Variants in SDAD1 observed in about 807,000 individuals in gnomAD.
SDAD1 encodes SDA1 domain containing 1.
A neutral mutation model predicts 100.3 loss-of-function variants in SDAD1; 79 were observed. That is an observed-to-expected ratio of 0.79 (90% confidence interval 0.66 to 0.95). The LOEUF (loss-of-function observed/expected upper bound fraction) is 0.95. SDAD1 is among the 40% of genes least tolerant of loss of function. The pLI is 0.00. For synonymous variants in SDAD1, 267 were observed against 271.4 expected (o/e 0.98, Z 0.16); for missense variants, 790 against 810.9 (o/e 0.97, Z 0.31).
At position 75,956,132 on chromosome 4, in the gene SDAD1, C is replaced by A; in HGVS notation, c.1859G>T (p.Gly620Val). Residue 620 changes from glycine to valine, a missense_variant, in exon 21 of 22, where the codon GGA becomes GTA. By Grantham distance (109) the Gly-to-Val change is moderately radical. Coordinates refer to ENST00000356260, the MANE Select transcript of SDAD1 (RefSeq NM_018115.4). ...KETRLATAMAGKTDRKEFVRK... is the reference protein window; with the variant it reads ...KETRLATAMAVKTDRKEFVRK... ...CACAAATTCTTTTCGGTCTGTCTTT[C>A]CAGCCTACCAGAACAAAAAGTTTGA... 6.3e-7 allele frequency: 1 copy of A among 1,599,958 alleles called. No individual in the cohort carries two copies. The highest frequency in any genetic ancestry group is 8.5e-7 in the Non-Finnish European group (1 of 1,176,242).
rs1286387670 is a variant in SDAD1, at chr4:75,969,386, T to C, written c.897A>G (p.Lys299=). 2.5e-6 allele frequency: 4 copies of C among 1,612,612 alleles called. No homozygotes were observed. The African/African-American group carries it at 5.3e-5, about 22-fold the overall frequency. The change falls in exon 11 of 22, where the codon AAA becomes AAG. Residue 299 remains lysine, a synonymous_variant. Transcript: ENST00000356260. ...TACAGCACTCAAGCTGCTTTAGTAG[T>C]TTTTCCGCAAAATCTGGCAAGGAGA... ...LIHDPQDFAE[K]LLKQLECCKE... is the part of the protein sequence containing the mutation.
intron 16 of SDAD1, 34 bp downstream of exon 16, chr4:75,960,991 CATA>C (rs774540994): frequency 6.4e-7 from 1 of 1,565,930 alleles, no homozygotes; most frequent in South Asian, 1.1e-5. Flanking sequence ...TTTGTGAGAC[CATA>C]ACCTTTAGAC....
intron 3 of SDAD1, among the ~76,000 whole-genome samples, chr4:75,979,516 C>T (rs936956320): frequency 3.0e-4 from 45 of 151,546 alleles, no homozygotes; most frequent in African/African-American, 7.7e-4. Context: ...AGTGCAATGG[C>T]GCGATCTCGG....
At chr4:75,971,327 CCTAT>C (rs1239437020) in intron 9 of SDAD1, 26 bp downstream of exon 9, 6 of 1,446,038 alleles carry the variant, frequency 4.1e-6, no homozygotes, top group Non-Finnish European at 5.8e-6. Context: ...TCTAATCACT[CCTAT>C]CTCATTTTCC....
chr4:75,973,488 T>C, intron 7 of SDAD1, 97 bp from the exon 8 acceptor site: 1 of 813,490 alleles, frequency 1.2e-6, no homozygotes, highest in Non-Finnish European at 2.0e-6. Flanking sequence ...TGAACTAAGA[T>C]CTGAAGAACA....
intron 1 of SDAD1, among the ~76,000 whole-genome samples, chr4:75,988,232 T>C (rs1249265300): frequency 6.6e-6 from 1 of 152,226 alleles, no homozygotes; most frequent in Non-Finnish European, 1.5e-5. Flanking sequence ...TCATGTATTC[T>C]TCTGCTCAAA....
intron 18 of SDAD1, 52 bp from the exon 19 acceptor site, chr4:75,957,760 C>T (rs1280138361): frequency 1.2e-6 from 2 of 1,611,896 alleles, no homozygotes; most frequent in African/African-American, 1.3e-5. Context: ...GAGAGCTCAG[C>T]CATTTAAATT....
chr4:75,965,671 T>C, intron 13 of SDAD1, 93 bp downstream of exon 13: 1 of 965,610 alleles, frequency 1.0e-6, no homozygotes, highest in Non-Finnish European at 1.6e-6. Flanking sequence ...CGTTGAATTA[T>C]CGGGGGCAGG....
chr4:75,957,219 T>A, intron 20 of SDAD1, 106 bp downstream of exon 20: 1 of 858,076 alleles, frequency 1.2e-6, no homozygotes, highest in Admixed American at 2.4e-5. Flanking sequence ...ATACCTTTAT[T>A]TAAAACATTT....
chr4:75,972,979 C>G (rs769491144), intron 8 of SDAD1, among the ~76,000 whole-genome samples: 3 of 151,888 alleles, frequency 2.0e-5, no homozygotes, highest in Non-Finnish European at 2.9e-5. Context: ...TGAGACCACA[C>G]CACTGCCCTC....
intron 9 of SDAD1, 139 bp from the exon 10 acceptor site, chr4:75,970,517 T>C (rs1007970688): frequency 6.9e-6 from 4 of 577,610 alleles, no homozygotes; most frequent in Non-Finnish European, 1.2e-5. Flanking sequence ...CCTTTTCAAC[T>C]AGAAGAATTA....
intron 7 of SDAD1, among the ~76,000 whole-genome samples, chr4:75,973,783 CATTT>C (rs943478616): frequency 3.3e-5 from 5 of 152,094 alleles, no homozygotes; most frequent in African/African-American, 1.2e-4. Flanking sequence ...CTGAGGCTAT[CATTT>C]ATTACATAGC....
intron 4 of SDAD1, among the ~76,000 whole-genome samples, chr4:75,976,471 G>T (rs1730164857): frequency 6.6e-6 from 1 of 152,156 alleles, no homozygotes; most frequent in African/African-American, 2.4e-5. Context: ...AGTCACTAAA[G>T]ACCACATATT....
At chr4:75,973,007 C>T (rs1039600912) in intron 8 of SDAD1, among the ~76,000 whole-genome samples, 7 of 151,374 alleles carry the variant, frequency 4.6e-5, no homozygotes, top group African/African-American at 1.5e-4. Flanking sequence ...GGCAACAGAG[C>T]GAGACTCCGT....
In SDAD1 at chr4:75,959,950, T is replaced by A. The variant is rs1355817946; in HGVS notation, c.1483+116A>T. ...CATACTTCTAACAGTGCGTGGCACA[T>A]AGTCATTGCTCAATAAATATCTGCT... On this transcript the variant is annotated intron_variant, in intron 17 of 21. Coordinates refer to ENST00000356260, the MANE Select transcript of SDAD1 (RefSeq NM_018115.4). 7.2e-6 allele frequency: 8 copies of A among 1,109,666 alleles called. 1 individual carries two copies. The South Asian group carries it at 1.5e-4, about 20-fold the overall frequency. 68.7% of individuals were successfully genotyped at this position (1,109,666 alleles called of 1,614,324 possible).
Position 75,950,646 on chromosome 4 carries a change from T to A in SDAD1, c.*104A>T. 1.4e-6 allele frequency: 1 copy of A among 729,062 alleles called. No individual in the cohort carries two copies. The highest frequency in any genetic ancestry group is 2.6e-5 in the East Asian group (1 of 38,618). The allele number at this position is 729,062 out of a possible 1,614,324, so 45.2% of individuals were successfully genotyped here. On this transcript the variant is annotated 3_prime_UTR_variant, in exon 22 of 22. Transcript: ENST00000356260. Reference sequence around the variant, plus strand: ...ATGTTCAGCAGTTTTCACAATACAGTGTGTCTGGACTTTTTAATGTAAACA... The same window carrying A: ...ATGTTCAGCAGTTTTCACAATACAGAGTGTCTGGACTTTTTAATGTAAACA...
At chr4:75,966,279 C>T (rs1729536794) in intron 12 of SDAD1, among the ~76,000 whole-genome samples, 1 of 146,140 alleles carries the variant, frequency 6.8e-6, no homozygotes, top group African/African-American at 2.7e-5. Context: ...CACACACACA[C>T]ACACACACAC....
intron 21 of SDAD1, among the ~76,000 whole-genome samples, chr4:75,955,049 GT>G (rs1265569593): frequency 6.6e-6 from 1 of 152,164 alleles, no homozygotes; most frequent in Non-Finnish European, 1.5e-5. Context: ...TGCTGCAACT[GT>G]TACTGCTGAT....
chr4:75,985,783 A>G (rs1730855143), intron 1 of SDAD1, among the ~76,000 whole-genome samples: 1 of 152,082 alleles, frequency 6.6e-6, no homozygotes, highest in Admixed American at 6.6e-5. Flanking sequence ...CAACTCCATA[A>G]TCTCAACTAG....
Sources: gnomAD v4.1 joint callset for allele counts (sites outside exome capture counted in the v4.1 genomes callset) on GRCh38, gnomAD v4.1.1 for gene constraint, MANE v1.5 for transcripts, NCBI Gene and HGNC (gene_info 2026-07-23, HGNC 2026-07-21) for gene names.